DBP: variants seen among roughly 807,000 people sequenced by gnomAD.
DBP encodes D-box binding PAR bZIP transcription factor.
Under a neutral mutation model 21.4 loss-of-function variants are expected in DBP, and 12 were observed. That is an observed-to-expected ratio of 0.56 (90% confidence interval 0.36 to 0.91). The LOEUF is 0.91. Among genes scored for constraint, DBP ranks in the 40% least tolerant of loss-of-function variants. DBP has a pLI of 0.01. For synonymous variants in DBP, 213 were observed against 224.9 expected (o/e 0.95, Z 0.47); for missense variants, 423 against 473.4 (o/e 0.89, Z 0.99).
intron 3 of DBP, chr19:48,632,949 C>A: frequency 4.9e-6 from 1 of 202,380 alleles, no homozygotes; most frequent in Non-Finnish European, 1.0e-5. Context: ...CTCCAAGTCT[C>A]TACAAGTAGA....
chr19:48,632,965 C>CA lies in DBP; in HGVS notation c.762+478dup, dbSNP rs1247292717. 4 of 224,728 alleles carry CA rather than the reference C, an allele frequency of 1.8e-5. No individual in the cohort carries two copies. The East Asian group carries it at 3.4e-4, about 19-fold the overall frequency. The allele number at this position is 224,728 out of a possible 1,614,324, so 13.9% of individuals were successfully genotyped here. On this transcript the variant is annotated intron_variant, in intron 3 of 3. Coordinates refer to ENST00000222122, the MANE Select transcript of DBP (RefSeq NM_001352.5). Reference sequence around the variant, plus strand: ...TCCAAGTCTCTACAAGTAGACCTAGCAGAGCTGGCTGAGTCAGCACCCCAC... The same window carrying CA: ...TCCAAGTCTCTACAAGTAGACCTAGCAAGAGCTGGCTGAGTCAGCACCCCAC...
intron 3 of DBP, chr19:48,632,530 G>A (rs1467669091): frequency 6.6e-6 from 1 of 152,214 alleles, no homozygotes; most frequent in African/African-American, 2.4e-5. Context: ...CTCCTAAAGT[G>A]CTAGGATTAC....
chr19:48,636,110 G>T, intron 1 of DBP, 120 bp from the exon 2 acceptor site: 1 of 983,716 alleles, frequency 1.0e-6, no homozygotes, highest in Non-Finnish European at 1.4e-6. Context: ...ACGGGGGGTC[G>T]GAGAGGAGAG....
At chr19:48,634,702 G>T (rs2030719305) in intron 2 of DBP, 2 of 985,526 alleles carry the variant, frequency 2.0e-6, no homozygotes, top group African/African-American at 1.7e-5. Context: ...GACTCACGTG[G>T]CGCAGGAATG....
intron 1 of DBP, among the ~76,000 whole-genome samples, chr19:48,636,627 T>C (rs540959018): frequency 2.6e-5 from 4 of 152,048 alleles, no homozygotes; most frequent in African/African-American, 7.2e-5. Flanking sequence ...GGGGAGGACG[T>C]TGGGGACGTT....
At chr19:48,634,764 C>T (rs2030722756) in intron 2 of DBP, 1 of 985,590 alleles carries the variant, frequency 1.0e-6, no homozygotes, top group Non-Finnish European at 1.2e-6. Context: ...GGACCTGGAG[C>T]AGGTGTGCCC....
intron 1 of DBP, 47 bp from the exon 2 acceptor site, chr19:48,636,037 A>G: frequency 6.9e-7 from 1 of 1,454,636 alleles, no homozygotes; most frequent in South Asian, 1.4e-5. Context: ...GGTGGGGGAG[A>G]TAGAGATGGA....
Position 48,635,851 on chromosome 19 carries a change from C to G in DBP, c.279G>C (p.Pro93=), listed in dbSNP as rs915541410. 7.2e-7 allele frequency: 1 copy of G among 1,396,426 alleles called. No homozygotes were observed. The highest frequency in any genetic ancestry group is 3.7e-5 in the Admixed American group (1 of 26,740). 86.5% of individuals were successfully genotyped at this position (1,396,426 alleles called of 1,614,324 possible). A position where few individuals can be genotyped will look rare whatever the true frequency, so the allele number is the denominator to read the frequency against. The change falls in exon 2 of 4, where the codon CCG becomes CCC. Residue 93 remains proline, a synonymous_variant. Coordinates refer to ENST00000222122, the MANE Select transcript of DBP (RefSeq NM_001352.5). ...GGGSPRGRPG[P]VPAPGLLAPL... ...GCGCCAACAGACCCGGGGCGGGCAC[C>G]GGCCCCGGGCGCCCCCGCGGGGACC...
rs759423285 is a variant in DBP at position 48,635,990 on chromosome 19, C to T, written c.140G>A (p.Cys47Tyr). 13 of 1,512,544 alleles carry T rather than the reference C, an allele frequency of 8.6e-6. No homozygotes were observed. The highest frequency in any genetic ancestry group is 6.1e-5 in the Admixed American group (3 of 49,486). 93.7% of individuals were successfully genotyped at this position (1,512,544 alleles called of 1,614,324 possible). ...GTSKPKEPAS[C>Y]LLKEKERKAA... Reference sequence around the variant, plus strand: ...CTTGCGCTCCTTTTCCTTCAGGAGACCTGCGGGCCGGGAAAGACGGGTTGG... The same window carrying T: ...CTTGCGCTCCTTTTCCTTCAGGAGATCTGCGGGCCGGGAAAGACGGGTTGG... The change falls in exon 2 of 4, where the codon TGT becomes TAT. Residue 47 changes from cysteine to tyrosine, a missense_variant and splice_region_variant. Cys to Tyr is a radical substitution (Grantham distance 194). This residue lies in a region of DBP where 283 missense variants were observed against 273.7 expected (regional missense o/e 1.03). Transcript: ENST00000222122.
At chr19:48,631,098 G>A (rs1471053813) in intron 3 of DBP, 46 bp from the exon 4 acceptor site, 7 of 1,551,196 alleles carry the variant, frequency 4.5e-6, no homozygotes, top group Non-Finnish European at 6.2e-6. Flanking sequence ...AGGGACCCAG[G>A]TCCCAGCGAG....
Position 48,635,899 on chromosome 19 carries a change from C to T in DBP, c.231G>A (p.Pro77=), listed in dbSNP as rs758773876. ...ACCCTCCGCCCACCACTGCCCCAGC[C>T]GGGGCATCCGCCGGGCCCGCAGTCT... ...GLETAGPADA[P]AGAVVGGGSP... The change falls in exon 2 of 4, where the codon CCG becomes CCA. Residue 77 remains proline (P), a synonymous_variant. Transcript: ENST00000222122. The T allele has an allele frequency of 2.1e-6, 3 of 1,421,624 alleles. No individual in the cohort carries two copies. Among genetic ancestry groups the T allele is most frequent in the Admixed American group, 3.3e-5 (1 of 30,586 alleles). The allele number at this position is 1,421,624 out of a possible 1,614,324, so 88.1% of individuals were successfully genotyped here. A position where few individuals can be genotyped will look rare whatever the true frequency, so the allele number is the denominator to read the frequency against.
intron 1 of DBP, among the ~76,000 whole-genome samples, chr19:48,636,610 A>G (rs2030811199): frequency 6.6e-6 from 1 of 152,156 alleles, no homozygotes; most frequent in Admixed American, 6.5e-5. Flanking sequence ...ACTCTTGTGA[A>G]CTAAGCGGGG....
rs1004192218 is a variant in DBP at position 48,630,913 on chromosome 19, A to G, written c.902T>C (p.Val301Ala). 1.2e-6 allele frequency: 2 copies of G among 1,610,658 alleles called. No homozygotes were observed. Among genetic ancestry groups the G allele is most frequent in the Non-Finnish European group, 1.7e-6 (2 of 1,178,894 alleles). ...GGACAGCTCCTGGCGCACGGCCACA[A>G]CTTCCTGCCGCAGCAGGGCGTTCTC... ...EKENALLRQEVVAVRQELSHY... is the reference protein window; with the variant it reads ...EKENALLRQEAVAVRQELSHY... Residue 301 changes from valine (V) to alanine (A), a missense_variant, in exon 4 of 4, where the codon GTT becomes GCT. Physicochemically the swap from Val to Ala is moderately conservative, Grantham distance 64 (BLOSUM62 0). Transcript: ENST00000222122. The surrounding 1 kb of genome is among the most constrained non-coding windows in gnomAD (Gnocchi z 4.9).
chr19:48,636,746 G>A (rs1391037792), intron 1 of DBP, 110 bp downstream of exon 1: 2 of 1,311,294 alleles, frequency 1.5e-6, no homozygotes, highest in Non-Finnish European at 2.1e-6. Context: ...GATTAAGGTT[G>A]GGAAGATGGA....
chr19:48,630,782 CG>C lies in DBP; in HGVS notation c.*54del. ...GCCACAGGGCAGGAAGGGAACAGGGCGTAAGTCTCAGCAAGGCGGAGGAGAG... is the reference window on the plus strand; with the variant it reads ...GCCACAGGGCAGGAAGGGAACAGGGCTAAGTCTCAGCAAGGCGGAGGAGAG... On this transcript the variant is annotated 3_prime_UTR_variant, in exon 4 of 4. Coordinates refer to ENST00000222122, the MANE Select transcript of DBP (RefSeq NM_001352.5). This position sits in a 1 kb window ranked among gnomAD's most constrained non-coding sequence, Gnocchi z 4.9. 8.5e-6 allele frequency: 13 copies of C among 1,523,540 alleles called. No homozygotes were observed. The highest frequency in any genetic ancestry group is 1.2e-5 in the Non-Finnish European group (13 of 1,128,200). The allele number at this position is 1,523,540 out of a possible 1,614,324, so 94.4% of individuals were successfully genotyped here. A position where few individuals can be genotyped will look rare whatever the true frequency, so the allele number is the denominator to read the frequency against.
At chr19:48,633,859 G>A in intron 2 of DBP, 1 of 584,366 alleles carries the variant, frequency 1.7e-6, no homozygotes, top group Non-Finnish European at 3.0e-6. Flanking sequence ...CCAGCAGTTT[G>A]GGAAGCCGAG....
At chr19:48,633,373 A>T in intron 3 of DBP, 71 bp downstream of exon 3, 1 of 1,486,570 alleles carries the variant, frequency 6.7e-7, no homozygotes, top group Non-Finnish European at 9.4e-7. Context: ...CTTGACTGTG[A>T]GAAAAGGCCC....
rs761312208 is a variant in DBP, at chr19:48,630,747, C to A, written c.*90G>T. 3 of 1,453,212 alleles carry A rather than the reference C, an allele frequency of 2.1e-6. No homozygotes were observed. In the African/African-American group the frequency reaches 4.3e-5, roughly 21 times the overall value. The allele number at this position is 1,453,212 out of a possible 1,614,324, so 90.0% of individuals were successfully genotyped here. ...CACGTCCCTGGGGCACCCAGCTGGC[C>A]GGCCCGTGGGCCACAGGGCAGGAAG... On this transcript the variant is annotated 3_prime_UTR_variant, in exon 4 of 4. Coordinates refer to ENST00000222122, the MANE Select transcript of DBP (RefSeq NM_001352.5). This position sits in a 1 kb window ranked among gnomAD's most constrained non-coding sequence, Gnocchi z 4.9.
In DBP at chr19:48,634,856, C is replaced by A. The variant is rs576591548; in HGVS notation, c.550+724G>T. ...ATCTTTCCTCTTGCTCTTCCAGTCACTTAGTTCCACTCAACCTCCAAAGAT... is the reference window on the plus strand; with the variant it reads ...ATCTTTCCTCTTGCTCTTCCAGTCAATTAGTTCCACTCAACCTCCAAAGAT... On this transcript the variant is annotated intron_variant, in intron 2 of 3. Coordinates refer to ENST00000222122, the MANE Select transcript of DBP (RefSeq NM_001352.5). 5.1e-6 allele frequency: 5 copies of A among 985,756 alleles called. No individual in the cohort carries two copies. In the African/African-American group the frequency reaches 8.7e-5, roughly 17 times the overall value. The allele number at this position is 985,756 out of a possible 1,614,324, so 61.1% of individuals were successfully genotyped here.
Sources: gnomAD v4.1 joint callset for allele counts (sites outside exome capture counted in the v4.1 genomes callset) on GRCh38, gnomAD v4.1.1 for gene constraint, gnomAD v4.1.1 regional missense constraint, Gnocchi (gnomAD v3.1) non-coding constraint, MANE v1.5 for transcripts, NCBI Gene and HGNC (gene_info 2026-07-23, HGNC 2026-07-21) for gene names.